Variants in KALRN observed in about 807,000 individuals in gnomAD.
The protein encoded by KALRN is kalirin RhoGEF kinase, also known as kalirin.
A neutral mutation model predicts 353.7 loss-of-function variants in KALRN; 70 were observed. The observed-to-expected ratio is 0.20, with a 90% CI of 0.16 to 0.24. The LOEUF is 0.24. KALRN is among the 10% of genes least tolerant of loss of function. The pLI, the probability that KALRN is intolerant of heterozygous loss-of-function variation, is 1.00. For missense variants in KALRN, 2,791 were observed against 3,756.7 expected (o/e 0.74, Z 6.72); for synonymous variants, 1,391 against 1,434.8 (o/e 0.97, Z 0.69).
intron 10 of KALRN, among the ~76,000 whole-genome samples, chr3:124,347,631 G>A (rs139614419): frequency 4.5e-4 from 68 of 152,198 alleles, no homozygotes; most frequent in African/African-American, 1.5e-3. Context: ...CTGGCAGGAG[G>A]GAATGACATT....
intron 51 of KALRN, among the ~76,000 whole-genome samples, chr3:124,683,061 G>A (rs2061410838): frequency 6.6e-6 from 1 of 151,194 alleles, no homozygotes; most frequent in Non-Finnish European, 1.5e-5. Flanking sequence ...TCTTTACCTT[G>A]TACTGATTAA....
intron 1 of KALRN, among the ~76,000 whole-genome samples, chr3:124,101,621 G>T (rs980815079): frequency 8.5e-5 from 13 of 152,164 alleles, no homozygotes; most frequent in Non-Finnish European, 7.4e-5. Flanking sequence ...GGACCTCATG[G>T]TCTTGGTTGT....
intron 1 of KALRN, among the ~76,000 whole-genome samples, chr3:124,054,382 T>TA (rs368296269): frequency 8.2e-5 from 12 of 147,006 alleles, no homozygotes; most frequent in Admixed American, 3.3e-4. Context: ...AAAATAAAAA[T>TA]AAAATAAAAT....
Position 124,664,919 on chromosome 3 carries a change from C to T in KALRN, c.6346-1530C>T, listed in dbSNP as rs542598731. 8.5e-5 allele frequency among the ~76,000 whole-genome samples: 13 copies of T among 152,282 alleles called. No homozygotes were observed. The South Asian group carries it at 1.7e-3, about 19-fold the overall frequency. On this transcript the variant is annotated intron_variant, in intron 45 of 59. Transcript: ENST00000682506. ...CTCTGGCTTTCCCTTTGGTGCTGGC[C>T]GAGCTATAACCCATGATAGGTTCTT...
chr3:124,403,317 T>G (rs183318375), intron 13 of KALRN, among the ~76,000 whole-genome samples: 1 of 152,360 alleles, frequency 6.6e-6, no homozygotes, highest in East Asian at 1.9e-4. Flanking sequence ...TATATCAAGA[T>G]AGTTTTTCTA....
intron 34 of KALRN, among the ~76,000 whole-genome samples, chr3:124,597,337 G>A (rs952610252): frequency 6.7e-6 from 1 of 148,606 alleles, no homozygotes; most frequent in African/African-American, 2.5e-5. Context: ...ATAACAAAAA[G>A]GGGAAAAAAA....
At chr3:124,197,569 G>C (rs1015439021) in intron 1 of KALRN, among the ~76,000 whole-genome samples, 1 of 152,136 alleles carries the variant, frequency 6.6e-6, no homozygotes, top group Non-Finnish European at 1.5e-5. Context: ...TTTCCCACAC[G>C]TTCTCTGCCT....
intron 1 of KALRN, among the ~76,000 whole-genome samples, chr3:124,133,891 A>G (rs1043954815): frequency 9.9e-5 from 15 of 152,218 alleles, no homozygotes; most frequent in African/African-American, 2.9e-4. Flanking sequence ...GACACAAACA[A>G]ATGGAAACAC....
At chr3:124,658,348 C>T (rs888399960) in intron 41 of KALRN, 83 bp from the exon 42 acceptor site, 31 of 1,022,934 alleles carry the variant, frequency 3.0e-5, no homozygotes, top group African/African-American at 2.8e-4. Flanking sequence ...CCTTTGTCCA[C>T]GTGGAGGCCA....
At chr3:124,706,055 C>A (rs570640034) in intron 57 of KALRN, among the ~76,000 whole-genome samples, 1 of 152,170 alleles carries the variant, frequency 6.6e-6, no homozygotes, top group South Asian at 2.1e-4. Flanking sequence ...TACAGACACA[C>A]ACCATTATGC....
intron 1 of KALRN, among the ~76,000 whole-genome samples, chr3:124,206,014 G>A (rs1366248158): frequency 2.0e-5 from 3 of 152,158 alleles, no homozygotes; most frequent in Non-Finnish European, 4.4e-5. Flanking sequence ...CCTGACATAA[G>A]ATTTTGAGGT....
intron 33 of KALRN, among the ~76,000 whole-genome samples, chr3:124,523,297 G>A (rs1418167261): frequency 6.6e-6 from 1 of 152,124 alleles, no homozygotes; most frequent in Non-Finnish European, 1.5e-5. Flanking sequence ...GCTGCTCTTG[G>A]TCTTTTGCCC....
intron 33 of KALRN, among the ~76,000 whole-genome samples, chr3:124,496,749 G>A (rs936878974): frequency 6.6e-6 from 1 of 152,200 alleles, no homozygotes; most frequent in African/African-American, 2.4e-5. Flanking sequence ...CCTTCTGGGG[G>A]GATGGATCTC....
intron 3 of KALRN, among the ~76,000 whole-genome samples, chr3:124,240,234 T>C (rs2080267785): frequency 6.6e-6 from 1 of 152,140 alleles, no homozygotes; most frequent in East Asian, 1.9e-4. Context: ...CTTAGAGTCA[T>C]ATCAGCTTTT....
At chr3:124,670,116 G>A (rs1377031057) in intron 47 of KALRN, among the ~76,000 whole-genome samples, 2 of 152,096 alleles carry the variant, frequency 1.3e-5, no homozygotes, top group African/African-American at 4.8e-5. Flanking sequence ...GATTACAGGT[G>A]TATGCCACCA....
intron 1 of KALRN, among the ~76,000 whole-genome samples, chr3:124,043,000 A>G (rs562481806): frequency 4.7e-4 from 72 of 152,356 alleles, no homozygotes; most frequent in African/African-American, 1.6e-3. Flanking sequence ...CTGTAGGAGA[A>G]CAGATGCAGA....
Position 124,234,943 on chromosome 3 carries a change from G to T in KALRN, c.263G>T (p.Ser88Ile). 1 of 1,593,484 alleles carries T rather than the reference G, an allele frequency of 6.3e-7. No individual in the cohort carries two copies. The highest frequency in any genetic ancestry group is 2.3e-5 in the East Asian group (1 of 43,952). ...GTGACGTATTTGGCCAGCGTGCCAAGGTAAGGGGAAGGGGAATGGCCTGCA... is the reference window on the plus strand; with the variant it reads ...GTGACGTATTTGGCCAGCGTGCCAATGTAAGGGGAAGGGGAATGGCCTGCA... ...KLVTYLASVP[S>I]EDVCKRGFTV... is the part of the protein sequence containing the mutation. Residue 88 changes from serine to isoleucine, a missense_variant and splice_region_variant, in exon 3 of 60, where the codon AGT (serine) becomes ATT (isoleucine). Transcript: ENST00000682506.
At chr3:124,061,661 A>G (rs1233049591) in intron 1 of KALRN, among the ~76,000 whole-genome samples, 1 of 152,214 alleles carries the variant, frequency 6.6e-6, no homozygotes, top group East Asian at 1.9e-4. Flanking sequence ...GTATGTGGCT[A>G]CATCATTTTA....
At chr3:124,356,335 C>T (rs199586244) in intron 10 of KALRN, among the ~76,000 whole-genome samples, 4 of 120,200 alleles carry the variant, frequency 3.3e-5, no homozygotes, top group Non-Finnish European at 5.3e-5. Context: ...TTTTCTTTTT[C>T]TTTTTTTTTT....
Sources: allele counts gnomAD v4.1 joint callset (sites outside exome capture counted in the v4.1 genomes callset), GRCh38; gene constraint gnomAD v4.1.1; transcripts MANE v1.5; gene names NCBI Gene and HGNC (gene_info 2026-07-23, HGNC 2026-07-21).